EVI5: variants seen among roughly 807,000 people sequenced by gnomAD.
EVI5 encodes ecotropic viral integration site 5, also known as ecotropic viral integration site 5 protein homolog.
A neutral mutation model predicts 112.0 loss-of-function variants in EVI5; 73 were observed. The ratio of observed to expected loss-of-function variants is 0.65; its 90% CI spans 0.54 to 0.79. The LOEUF is 0.79. Among genes scored for constraint, EVI5 ranks in the 30% least tolerant of loss-of-function variants. EVI5 has a pLI of 0.00. For synonymous variants in EVI5, 305 were observed against 319.9 expected, an observed-to-expected ratio of 0.95 and a Z score of 0.50; for missense variants, 900 against 968.8, an observed-to-expected ratio of 0.93 and a Z score of 0.94.
At position 92,639,260 on chromosome 1, in the gene EVI5, G is replaced by A. The variant is rs181683787; in HGVS notation, c.1393-2924C>T. The stretch of plus-strand genomic sequence containing the variant: ...TTTCTGGTGTTGCAAAAATTACAAA[G>A]GTAAAGGTAAGTTAGAAAGTCCTCA... On this transcript the variant is annotated intron_variant, in intron 13 of 19. Coordinates refer to ENST00000684568, the MANE Select transcript of EVI5 (RefSeq NM_001350197.2). Among the ~76,000 whole-genome samples the A allele has an allele frequency of 1.4e-3, 214 of 152,028 alleles. 1 individual carries two copies. Among genetic ancestry groups the A allele is most frequent in the Non-Finnish European group, 2.4e-3 (162 of 67,942 alleles).
intron 5 of EVI5, 35 bp downstream of exon 5, chr1:92,702,106 A>G: frequency 9.0e-7 from 1 of 1,107,542 alleles, no homozygotes; most frequent in Non-Finnish European, 1.3e-6. Flanking sequence ...TTAATAAAAA[A>G]TTTCATTGGA....
intron 16 of EVI5, among the ~76,000 whole-genome samples, chr1:92,619,677 T>C (rs1185248025): frequency 1.3e-5 from 2 of 151,642 alleles, no homozygotes; most frequent in South Asian, 2.1e-4. Context: ...CCTAGCACTT[T>C]GGGGAGGCTG....
chr1:92,588,115 G>A (rs1020840336), intron 18 of EVI5, among the ~76,000 whole-genome samples: 27 of 152,150 alleles, frequency 1.8e-4, no homozygotes, highest in African/African-American at 6.5e-4. Context: ...CCAGTAATAA[G>A]AGGAAACTTA....
Position 92,605,979 on chromosome 1 carries a change from T to C in EVI5, c.1975-577A>G, listed in dbSNP as rs115713952. Among the ~76,000 whole-genome samples, 686 of 152,332 alleles carry C rather than the reference T, an allele frequency of 4.5e-3. 11 individuals are homozygous for C. Among genetic ancestry groups the C allele is most frequent in the African/African-American group, 0.016 (649 of 41,584 alleles). On this transcript the variant is annotated intron_variant, in intron 17 of 19. Coordinates refer to ENST00000684568, the MANE Select transcript of EVI5 (RefSeq NM_001350197.2). Reference sequence around the variant, plus strand: ...AACATAACAGGGTAAAACATACACATTTAATCAGAATGTACTAGGTGCTAG... The same window carrying C: ...AACATAACAGGGTAAAACATACACACTTAATCAGAATGTACTAGGTGCTAG...
chr1:92,528,791 A>G (rs1662358631), intron 19 of EVI5, among the ~76,000 whole-genome samples: 1 of 152,102 alleles, frequency 6.6e-6, no homozygotes, highest in South Asian at 2.1e-4. Context: ...TGAGAGAGAG[A>G]GTGTGGGAGG....
intron 16 of EVI5, 45 bp from the exon 17 acceptor site, chr1:92,607,772 T>A (rs1217104777): frequency 1.5e-6 from 2 of 1,365,160 alleles, no homozygotes; most frequent in Non-Finnish European, 2.0e-6. Context: ...ATACAAGACC[T>A]AAAAATTAAA....
chr1:92,714,077 A>T, intron 2 of EVI5: 2 of 983,632 alleles, frequency 2.0e-6, no homozygotes, highest in African/African-American at 3.5e-5. Context: ...AAGGGGGAAA[A>T]AAAACTATCC....
At chr1:92,586,158 TTGA>T (rs1672742227) in intron 18 of EVI5, among the ~76,000 whole-genome samples, 1 of 152,204 alleles carries the variant, frequency 6.6e-6, no homozygotes, top group East Asian at 1.9e-4. Context: ...TTTATGACTG[TTGA>T]TGGTAATCTT....
chr1:92,597,936 G>A (rs1306330925), intron 18 of EVI5, among the ~76,000 whole-genome samples: 2 of 152,290 alleles, frequency 1.3e-5, no homozygotes, highest in South Asian at 4.1e-4. Context: ...GTGTGCTCCT[G>A]TAGTCTCAGG....
intron 8 of EVI5, 21 bp downstream of exon 8, chr1:92,694,278 G>C: frequency 7.6e-7 from 1 of 1,324,078 alleles, no homozygotes; most frequent in Non-Finnish European, 1.1e-6. Context: ...AAAAAAAAAA[G>C]AAAATAAATT....
intron 1 of EVI5, chr1:92,756,878 C>A: frequency 2.3e-6 from 1 of 435,482 alleles, no homozygotes. Flanking sequence ...AGAAGTTAAG[C>A]CCTGTCTGAA....
intron 19 of EVI5, among the ~76,000 whole-genome samples, chr1:92,542,140 G>T (rs1008786125): frequency 6.6e-6 from 1 of 152,186 alleles, no homozygotes; most frequent in Non-Finnish European, 1.5e-5. Flanking sequence ...TTCAAAATTG[G>T]AGTAAATGCT....
chr1:92,643,915 G>GA (rs999125286), intron 13 of EVI5, among the ~76,000 whole-genome samples: 1 of 96,388 alleles, frequency 1.0e-5, no homozygotes, highest in Admixed American at 1.2e-4. Flanking sequence ...GATATTAAAA[G>GA]AAAAAAAGAG....
rs1363008914 is a variant in EVI5 at position 92,550,834 on chromosome 1, T to C, written c.2166+12808A>G. Among the ~76,000 whole-genome samples, 90 of 101,982 alleles carry C rather than the reference T, an allele frequency of 8.8e-4. 3 individuals carry two copies. In the South Asian group the frequency reaches 0.031, roughly 35 times the overall value. 66.9% of individuals were successfully genotyped at this position (101,982 alleles called of 152,430 possible). ...TATATAACAAAAAAAACAAAAGATA[T>C]ATTCAATTAACTTAAAATATACTCT... On this transcript the variant is annotated intron_variant, in intron 19 of 19. Coordinates refer to ENST00000684568, the MANE Select transcript of EVI5 (RefSeq NM_001350197.2).
At chr1:92,623,570 C>T (rs1217131071) in intron 16 of EVI5, among the ~76,000 whole-genome samples, 2 of 152,104 alleles carry the variant, frequency 1.3e-5, no homozygotes. Context: ...AAAAGAGAGA[C>T]CTGAGAAGAA....
chr1:92,695,404 G>A lies in EVI5; in HGVS notation c.815C>T (p.Thr272Ile), dbSNP rs1570407989. 4 of 1,605,576 alleles carry A rather than the reference G, an allele frequency of 2.5e-6. No individual in the cohort carries two copies. The highest frequency in any genetic ancestry group is 3.4e-6 in the Non-Finnish European group (4 of 1,172,810). Residue 272 changes from threonine to isoleucine, a missense_variant, in exon 7 of 20, where the codon ACC (threonine) becomes ATC (isoleucine). Physicochemically the swap from Thr to Ile is moderately conservative, Grantham distance 89. Coordinates refer to ENST00000684568, the MANE Select transcript of EVI5 (RefSeq NM_001350197.2). ...FVHFQSQSFH[T>I]SMYASSWFLT... The stretch of plus-strand genomic sequence containing the variant: ...AAACCAGGATGATGCATACATTGAG[G>A]TATGAAAACTCTGAGATTGAAAATG...
At chr1:92,631,512 G>T (rs189840572) in intron 14 of EVI5, among the ~76,000 whole-genome samples, 236 of 152,156 alleles carry the variant, frequency 1.6e-3, no homozygotes, top group African/African-American at 5.4e-3. Context: ...AATGCTTGTG[G>T]TTTTTGCACA....
chr1:92,554,540 G>T (rs547601039), intron 19 of EVI5, among the ~76,000 whole-genome samples: 1 of 152,104 alleles, frequency 6.6e-6, no homozygotes, highest in African/African-American at 2.4e-5. Flanking sequence ...TTTACATAGC[G>T]CTATTGTTCC....
intron 14 of EVI5, among the ~76,000 whole-genome samples, 192 bp downstream of exon 14, chr1:92,636,010 T>C (rs1658749640): frequency 1.3e-5 from 2 of 152,224 alleles, no homozygotes. Flanking sequence ...TACGGGGCTG[T>C]GATTAGTATG....
Sources: allele counts gnomAD v4.1 joint callset (sites outside exome capture counted in the v4.1 genomes callset), GRCh38; gene constraint gnomAD v4.1.1; transcripts MANE v1.5; gene names NCBI Gene and HGNC (gene_info 2026-07-23, HGNC 2026-07-21).